ATP13A2: variants seen among roughly 807,000 people sequenced by gnomAD.
The protein encoded by ATP13A2 is polyamine-transporting ATPase 13A2.
ATP13A2 carries 83 observed loss-of-function variants against 138.3 expected under a neutral mutation model. That is an observed-to-expected ratio of 0.60 (90% CI 0.50 to 0.72). The LOEUF (loss-of-function observed/expected upper bound fraction) is 0.72. Among genes scored for constraint, ATP13A2 ranks in the 30% least tolerant of loss-of-function variants. The pLI, the probability that ATP13A2 is intolerant of heterozygous loss-of-function variation, is 0.00. For synonymous variants in ATP13A2, 663 were observed against 699.0 expected, an observed-to-expected ratio of 0.95 and a Z score of 0.81; for missense variants, 1,402 against 1,606.4, an observed-to-expected ratio of 0.87 and a Z score of 2.17.
At chr1:16,989,655 G>A (rs376194683) in intron 23 of ATP13A2, 36 bp downstream of exon 23, 22 of 1,605,966 alleles carry the variant, frequency 1.4e-5, no homozygotes, top group African/African-American at 2.7e-5. Context: ...CTCAGTCTCC[G>A]CAGGCCCTTG....
intron 16 of ATP13A2, 124 bp from the exon 17 acceptor site, chr1:16,992,705 G>C: frequency 2.0e-6 from 2 of 981,644 alleles, no homozygotes; most frequent in Non-Finnish European, 3.1e-6. Context: ...GGGCTTTGGA[G>C]CCCGGTGGAC....
chr1:16,989,460 C>G (rs76515055), intron 23 of ATP13A2, among the ~76,000 whole-genome samples: 146 of 152,346 alleles, frequency 9.6e-4, no homozygotes, highest in African/African-American at 3.4e-3. Flanking sequence ...ATCCTCCCAC[C>G]TCGGCCACTC....
rs374766933 is a variant in ATP13A2, at chr1:16,986,454, G to A, written c.3405+9C>T. 3.0e-4 allele frequency: 487 copies of A among 1,611,456 alleles called. No homozygotes were observed. The Admixed American group carries it at 5.6e-3, about 18-fold the overall frequency. On this transcript the variant is annotated intron_variant, in intron 28 of 28. Coordinates refer to ENST00000326735, the MANE Select transcript of ATP13A2 (RefSeq NM_022089.4). The surrounding 1 kb of genome is among the most constrained non-coding windows in gnomAD (Gnocchi z 6.9). ...CTCTCCCGCTGCTGAGACCCAGGGCGGGCCCCACCTCCAGCATGAAGGCCC... is the reference window on the plus strand; with the variant it reads ...CTCTCCCGCTGCTGAGACCCAGGGCAGGCCCCACCTCCAGCATGAAGGCCC...
Position 16,987,112 on chromosome 1 carries a change from A to AGCAGGCTGCTGAGCACGG in ATP13A2, c.2999_3016dup (p.Pro1000_Leu1005dup), listed in dbSNP as rs2076762881. ...GCCGGTCACCAGGACCATCTGCAGC[A>AGCAGGCTGCTGAGCACGG]GCAGGCTGCTGAGCACGGGCACGCT... On this transcript the variant is annotated inframe_insertion, in exon 26 of 29. Transcript: ENST00000326735. 1 of 1,613,378 alleles carries AGCAGGCTGCTGAGCACGG rather than the reference A, an allele frequency of 6.2e-7. No homozygotes were observed. Among genetic ancestry groups the AGCAGGCTGCTGAGCACGG allele is most frequent in the Non-Finnish European group, 8.5e-7 (1 of 1,179,958 alleles).
rs752460698 is a variant in ATP13A2, at chr1:17,000,344, G to T, written c.841-32C>A. Reference sequence around the variant, plus strand: ...GCAGGGGACAAGAGGGCCGTGAGTGGGTGGGGGCCCCTGGGGACCCACCTG... The same window carrying T: ...GCAGGGGACAAGAGGGCCGTGAGTGTGTGGGGGCCCCTGGGGACCCACCTG... On this transcript the variant is annotated intron_variant, in intron 9 of 28. Transcript: ENST00000326735. 32 of 1,586,316 alleles carry T rather than the reference G, an allele frequency of 2.0e-5. No individual in the cohort carries two copies. In the Middle Eastern group the frequency reaches 6.6e-4, roughly 33 times the overall value.
intron 3 of ATP13A2, 138 bp from the exon 4 acceptor site, chr1:17,005,210 C>T: frequency 6.9e-7 from 1 of 1,456,268 alleles, no homozygotes; most frequent in South Asian, 1.2e-5. Flanking sequence ...CCGACCCGTC[C>T]CTTCTGCCCA....
In ATP13A2 at chr1:17,004,250, C is replaced by T. The variant is rs1313544354; in HGVS notation, c.557+82G>A. The stretch of plus-strand genomic sequence containing the variant: ...AAGCATCAGAGCTGAGAGGGGAGCC[C>T]AGGCCATGCCATGCCACCGTCTGTG... On this transcript the variant is annotated intron_variant, in intron 6 of 28. Transcript: ENST00000326735. The surrounding 1 kb of genome is among the most constrained non-coding windows in gnomAD (Gnocchi z 4.1). 3.0e-5 allele frequency: 43 copies of T among 1,432,822 alleles called. No homozygotes were observed. Among genetic ancestry groups the T allele is most frequent in the Non-Finnish European group, 4.0e-5 (41 of 1,034,564 alleles). The allele number at this position is 1,432,822 out of a possible 1,614,324, so 88.8% of individuals were successfully genotyped here.
chr1:16,995,388 G>C lies in ATP13A2; in HGVS notation c.1542+588C>G, dbSNP rs1187866834. 1.9e-5 allele frequency: 4 copies of C among 205,722 alleles called. No homozygotes were observed. The highest frequency in any genetic ancestry group is 1.6e-4 in the Admixed American group (3 of 18,868). The allele number at this position is 205,722 out of a possible 1,614,324, so 12.7% of individuals were successfully genotyped here. ...GACACACACACTCCAGTGACCACAA[G>C]GATGCCTGTGTTGGTCACTGCTGGG... On this transcript the variant is annotated intron_variant, in intron 15 of 28. Coordinates refer to ENST00000326735, the MANE Select transcript of ATP13A2 (RefSeq NM_022089.4). The surrounding 1 kb of genome is among the most constrained non-coding windows in gnomAD (Gnocchi z 4.1).
chr1:17,004,936 G>T lies in ATP13A2; in HGVS notation c.347+78C>A, dbSNP rs535945771. On this transcript the variant is annotated intron_variant, in intron 4 of 28. Transcript: ENST00000326735. This position sits in a 1 kb window ranked among gnomAD's most constrained non-coding sequence, Gnocchi z 4.1. The stretch of plus-strand genomic sequence containing the variant: ...GGGAGGCGCCAGAGTCAGCCTTTAT[G>T]GGGGGGCCGAGGGTTGGGGAAGTTG... 18 of 1,610,848 alleles carry T rather than the reference G, an allele frequency of 1.1e-5. No individual in the cohort carries two copies. The Admixed American group carries it at 1.2e-4, about 10-fold the overall frequency.
At chr1:17,001,255 T>C (rs1360589726) in intron 8 of ATP13A2, among the ~76,000 whole-genome samples, 9 of 55,150 alleles carry the variant, frequency 1.6e-4, no homozygotes, top group Admixed American at 1.8e-4. Flanking sequence ...CCGTATCTAC[T>C]AAAAATACAA....
rs771707117 is a variant in ATP13A2, at chr1:16,996,020, G to C, written c.1498C>G (p.Arg500Gly). 1.2e-6 allele frequency: 2 copies of C among 1,614,054 alleles called. No homozygotes were observed. Among genetic ancestry groups the C allele is most frequent in the South Asian group, 2.2e-5 (2 of 91,082 alleles). ...RQGIFCIHPLRINLGGKLQLV... is the reference protein window; with the variant it reads ...RQGIFCIHPLGINLGGKLQLV... ...TGCAGCTTGCCCCCCAGGTTGATGC[G>C]CAGTGGGTGGATGCAGAAAATGCCC... Residue 500 changes from arginine (R) to glycine (G), a missense_variant, in exon 15 of 29, where the codon CGC becomes GGC. Transcript: ENST00000326735.
At chr1:17,009,364 G>C (rs1309821598) in intron 1 of ATP13A2, among the ~76,000 whole-genome samples, 5 of 151,434 alleles carry the variant, frequency 3.3e-5, no homozygotes, top group South Asian at 4.2e-4. Context: ...CTGGGAGTTG[G>C]GGGGAGGGGC....
At chr1:16,989,205 C>T (rs1446655302) in intron 23 of ATP13A2, among the ~76,000 whole-genome samples, 1 of 152,302 alleles carries the variant, frequency 6.6e-6, no homozygotes, top group East Asian at 1.9e-4. Flanking sequence ...CATGAGCCAC[C>T]GCGCCTGGCC....
intron 16 of ATP13A2, among the ~76,000 whole-genome samples, chr1:16,993,159 T>C (rs1029006330): frequency 6.6e-6 from 1 of 152,188 alleles, no homozygotes; most frequent in African/African-American, 2.4e-5. Flanking sequence ...TCAGGTGATC[T>C]GCCCACCTCA....
At chr1:16,997,932 A>G (rs983209620) in intron 11 of ATP13A2, among the ~76,000 whole-genome samples, 1 of 151,876 alleles carries the variant, frequency 6.6e-6, no homozygotes. Flanking sequence ...GAGGGGGCAA[A>G]TATTTCCATG....
At chr1:16,989,814 G>A (rs1156807684) in intron 22 of ATP13A2, 44 bp from the exon 23 acceptor site, 2 of 1,612,084 alleles carry the variant, frequency 1.2e-6, no homozygotes, top group East Asian at 4.5e-5. Flanking sequence ...CACCCACCAG[G>A]GAGAGCGAGC....
chr1:16,998,672 T>A (rs1157084524), intron 11 of ATP13A2, among the ~76,000 whole-genome samples: 1 of 152,178 alleles, frequency 6.6e-6, no homozygotes, highest in Non-Finnish European at 1.5e-5. Flanking sequence ...AAGCTGCTCC[T>A]GTGGCGTCCT....
Position 16,992,513 on chromosome 1 carries a change from T to C in ATP13A2, c.1818A>G (p.Pro606=). ...GTQVLAVMRP[P]LWEPQLQAME... ...TTGCCTGCAGCTGGGGCTCCCAAAG[T>C]GGGGGTCTCATCACTGCCAAGACCT... The change falls in exon 17 of 29, where the codon CCA becomes CCG. Residue 606 remains proline, a synonymous_variant. Coordinates refer to ENST00000326735, the MANE Select transcript of ATP13A2 (RefSeq NM_022089.4). 1 of 1,614,060 alleles carries C rather than the reference T, an allele frequency of 6.2e-7. No homozygotes were observed. The highest frequency in any genetic ancestry group is 8.5e-7 in the Non-Finnish European group (1 of 1,179,990).
Position 16,996,439 on chromosome 1 carries a change from T to C in ATP13A2, c.1253A>G (p.Asn418Ser). The C allele has an allele frequency of 6.2e-7, 1 of 1,614,094 alleles. No homozygotes were observed. Among genetic ancestry groups the C allele is most frequent in the South Asian group, 1.1e-5 (1 of 91,084 alleles). ...CATGCTGTGTTTATAGAACTTGAAG[T>C]TGATGGGCCGGGGGTGCAAGATGGA... ...VSSILHPRPINFKFYKHSMKF... is the reference protein window; with the variant it reads ...VSSILHPRPISFKFYKHSMKF... Residue 418 changes from asparagine (N) to serine (S), a missense_variant, in exon 13 of 29, where the codon AAC becomes AGC. Transcript: ENST00000326735.
Sources: gnomAD v4.1 joint callset for allele counts (sites outside exome capture counted in the v4.1 genomes callset) on GRCh38, gnomAD v4.1.1 for gene constraint, Gnocchi (gnomAD v3.1) non-coding constraint, MANE v1.5 for transcripts, NCBI Gene and HGNC (gene_info 2026-07-23, HGNC 2026-07-21) for gene names.